TAFA4: variants seen among roughly 807,000 people sequenced by gnomAD.
TAFA4 encodes the protein TAFA chemokine like family member 4.
Under a neutral mutation model 21.1 loss-of-function variants are expected in TAFA4, and 20 were observed. The ratio of observed to expected loss-of-function variants is 0.95; its 90% CI spans 0.67 to 1.38. TAFA4 has a LOEUF of 1.38. TAFA4 is among the 40% of genes most tolerant of loss of function. The pLI, the probability that TAFA4 is intolerant of heterozygous loss-of-function variation, is 0.00. For missense variants in TAFA4, 211 were observed against 180.9 expected (o/e 1.17, Z -0.95); for synonymous variants, 71 against 67.4 (o/e 1.05, Z -0.26).
intron 1 of TAFA4, among the ~76,000 whole-genome samples, chr3:68,891,035 G>C (rs1034483756): frequency 1.3e-5 from 2 of 152,132 alleles, no homozygotes; most frequent in Non-Finnish European, 2.9e-5. Context: ...GACCAAGTAT[G>C]CAAGAATTAT....
intron 3 of TAFA4, among the ~76,000 whole-genome samples, chr3:68,846,072 T>A (rs1258139344): frequency 6.6e-6 from 1 of 152,126 alleles, no homozygotes; most frequent in Non-Finnish European, 1.5e-5. Context: ...TCTTGCTAGG[T>A]TGGGGAAGTT....
At chr3:68,909,303 T>C (rs895018250) in intron 1 of TAFA4, among the ~76,000 whole-genome samples, 2 of 152,058 alleles carry the variant, frequency 1.3e-5, no homozygotes, top group Admixed American at 6.6e-5. Flanking sequence ...CTTAGAGAAA[T>C]TACAGTAAGA....
At chr3:68,918,025 C>T (rs1190285801) in intron 1 of TAFA4, among the ~76,000 whole-genome samples, 1 of 152,114 alleles carries the variant, frequency 6.6e-6, no homozygotes, top group East Asian at 1.9e-4. Context: ...TACTTTATAG[C>T]AGGCCAGATC....
chr3:68,880,424 GCA>G (rs370982601), intron 3 of TAFA4, among the ~76,000 whole-genome samples: 2 of 147,786 alleles, frequency 1.4e-5, no homozygotes, highest in Admixed American at 6.7e-5. Context: ...TGACATGTAT[GCA>G]CACACACACA....
chr3:68,891,062 T>G (rs2106965246), intron 1 of TAFA4, among the ~76,000 whole-genome samples: 1 of 152,312 alleles, frequency 6.6e-6, no homozygotes, highest in East Asian at 1.9e-4. Flanking sequence ...CTTGAGGGCC[T>G]TCACCACCAT....
intron 3 of TAFA4, among the ~76,000 whole-genome samples, chr3:68,875,846 C>T (rs1468573809): frequency 1.3e-5 from 2 of 152,002 alleles, no homozygotes; most frequent in Admixed American, 1.3e-4. Flanking sequence ...AACTCTTCCC[C>T]ATTCTTTATT....
intron 1 of TAFA4, among the ~76,000 whole-genome samples, chr3:68,923,511 G>C (rs1301771700): frequency 1.3e-5 from 2 of 152,090 alleles, no homozygotes; most frequent in African/African-American, 4.8e-5. Context: ...ACTCCAACGA[G>C]AAGCAAAAAT....
chr3:68,887,706 G>A (rs1297799371), intron 1 of TAFA4, among the ~76,000 whole-genome samples: 1 of 152,088 alleles, frequency 6.6e-6, no homozygotes, highest in Non-Finnish European at 1.5e-5. Context: ...GCCTGCTTGA[G>A]GGGTGCTGCA....
intron 5 of TAFA4, among the ~76,000 whole-genome samples, chr3:68,734,204 A>G (rs1702200390): frequency 6.6e-6 from 1 of 152,154 alleles, no homozygotes; most frequent in Admixed American, 6.6e-5. Flanking sequence ...GCATTCTGAA[A>G]TATTCTGTTT....
intron 3 of TAFA4, among the ~76,000 whole-genome samples, chr3:68,777,499 A>C (rs1703069454): frequency 6.6e-6 from 1 of 152,138 alleles, no homozygotes; most frequent in Admixed American, 6.5e-5. Context: ...TTAAAAATTT[A>C]AATTTAAGCA....
At chr3:68,824,461 G>A (rs1704182511) in intron 3 of TAFA4, among the ~76,000 whole-genome samples, 1 of 150,750 alleles carries the variant, frequency 6.6e-6, no homozygotes, top group African/African-American at 2.4e-5. Flanking sequence ...TCTCCTCTCT[G>A]ATTCCACCTC....
At chr3:68,781,572 TA>T (rs1371999570) in intron 3 of TAFA4, among the ~76,000 whole-genome samples, 2 of 152,128 alleles carry the variant, frequency 1.3e-5, no homozygotes, top group Non-Finnish European at 2.9e-5. Context: ...TTCCAAAAGA[TA>T]CTGACAATAT....
chr3:68,819,460 A>T (rs1704067640), intron 3 of TAFA4, among the ~76,000 whole-genome samples: 1 of 152,120 alleles, frequency 6.6e-6, no homozygotes, highest in Admixed American at 6.6e-5. Flanking sequence ...AAAAGCTTTC[A>T]ACCTTTCACC....
intron 3 of TAFA4, among the ~76,000 whole-genome samples, chr3:68,777,583 A>C (rs1281628311): frequency 2.6e-5 from 4 of 152,142 alleles, no homozygotes; most frequent in Non-Finnish European, 5.9e-5. Flanking sequence ...AAGTACAATT[A>C]GGAGGTATAG....
At chr3:68,889,177 G>C (rs1479611391) in intron 1 of TAFA4, among the ~76,000 whole-genome samples, 1 of 152,040 alleles carries the variant, frequency 6.6e-6, no homozygotes, top group Non-Finnish European at 1.5e-5. Flanking sequence ...GGTCATTCTC[G>C]GAATGAACTA....
At chr3:68,787,667 A>T (rs1703286163) in intron 3 of TAFA4, among the ~76,000 whole-genome samples, 1 of 152,238 alleles carries the variant, frequency 6.6e-6, no homozygotes, top group African/African-American at 2.4e-5. Flanking sequence ...AACACTTGCA[A>T]ATAAAATTAT....
intron 3 of TAFA4, among the ~76,000 whole-genome samples, chr3:68,828,019 T>A (rs984407359): frequency 2.0e-5 from 3 of 152,200 alleles, no homozygotes; most frequent in Non-Finnish European, 4.4e-5. Context: ...TTTTAGGTCT[T>A]CCATTTAAGT....
chr3:68,798,310 A>G (rs1355018919), intron 3 of TAFA4, among the ~76,000 whole-genome samples: 1 of 152,212 alleles, frequency 6.6e-6, no homozygotes, highest in Non-Finnish European at 1.5e-5. Context: ...GTGTTTATAA[A>G]TCTAAAAATA....
Position 68,901,765 on chromosome 3 carries a change from G to A in TAFA4, c.-122-16455C>T, listed in dbSNP as rs2089845576. 3.3e-5 allele frequency among the ~76,000 whole-genome samples: 5 copies of A among 152,158 alleles called. No individual in the cohort carries two copies. In the South Asian group the frequency reaches 1.0e-3, roughly 32 times the overall value. ...AAATCTGAAACAAACTGCAAAAGCT[G>A]ACTTTGGCTGATACCAAACACAGTG... On this transcript the variant is annotated intron_variant, in intron 1 of 5. Coordinates refer to ENST00000295569, the MANE Select transcript of TAFA4 (RefSeq NM_182522.5).
Sources: allele counts gnomAD v4.1 joint callset (sites outside exome capture counted in the v4.1 genomes callset), GRCh38; gene constraint gnomAD v4.1.1; transcripts MANE v1.5; gene names NCBI Gene and HGNC (gene_info 2026-07-23, HGNC 2026-07-21).